Variants in FAM20B observed in about 807,000 individuals in gnomAD.
FAM20B encodes the protein FAM20B glycosaminoglycan xylosylkinase.
A neutral mutation model predicts 43.8 loss-of-function variants in FAM20B; 23 were observed. The observed-to-expected ratio is 0.53, with a 90% CI of 0.38 to 0.74. The LOEUF is 0.74. FAM20B is among the 30% of genes least tolerant of loss of function. The probability of loss-of-function intolerance (pLI) is 0.00; values close to 1 mark genes in which losing one functional copy is unlikely to be tolerated. For missense variants in FAM20B, 440 were observed against 510.5 expected (o/e 0.86, Z 1.33); for synonymous variants, 178 against 192.4 (o/e 0.93, Z 0.62).
intron 1 of FAM20B, among the ~76,000 whole-genome samples, chr1:179,037,356 C>T (rs1484693475): frequency 2.8e-5 from 2 of 70,188 alleles, no homozygotes; most frequent in East Asian, 6.1e-4. Context: ...CTTGTTTAGT[C>T]TCTTTTTTTT....
chr1:179,055,226 C>G (rs1651162084), intron 4 of FAM20B, among the ~76,000 whole-genome samples: 1 of 152,172 alleles, frequency 6.6e-6, no homozygotes, highest in African/African-American at 2.4e-5. Flanking sequence ...GGTAAGAGAT[C>G]TGAGCTAAAA....
At chr1:179,069,021 G>A (rs1028145521) in intron 7 of FAM20B, among the ~76,000 whole-genome samples, 9 of 152,226 alleles carry the variant, frequency 5.9e-5, no homozygotes, top group African/African-American at 2.2e-4. Flanking sequence ...GAAACCTTCT[G>A]TGCTGCAAGT....
rs1401744416 is a variant in FAM20B at position 179,076,507 on chromosome 1, T to C, written c.*4363T>C. The C allele has an allele frequency of 6.6e-6, 1 of 152,576 alleles. No individual in the cohort carries two copies. The highest frequency in any genetic ancestry group is 1.9e-4 in the East Asian group (1 of 5,204). The allele number at this position is 152,576 out of a possible 1,614,324, so 9.5% of individuals were successfully genotyped here. On this transcript the variant is annotated 3_prime_UTR_variant, in exon 8 of 8. Transcript: ENST00000263733. ...GACAGATATGGATCTAAATTTCTAA[T>C]GTGTTCTATGGGTTTCAATTCTGAA... is the stretch of plus-strand genomic sequence containing the variant.
intron 7 of FAM20B, among the ~76,000 whole-genome samples, chr1:179,069,273 G>C (rs1344288821): frequency 6.6e-6 from 1 of 152,164 alleles, no homozygotes; most frequent in Non-Finnish European, 1.5e-5. Flanking sequence ...CCTTCACCCT[G>C]CAGTGTCCCC....
At chr1:179,037,952 T>C (rs1650319363) in intron 1 of FAM20B, among the ~76,000 whole-genome samples, 2 of 152,224 alleles carry the variant, frequency 1.3e-5, no homozygotes, top group Admixed American at 6.5e-5. Context: ...CCGTTTTTCT[T>C]ATCTGAATTT....
At chr1:179,041,279 C>T (rs1039323013) in intron 1 of FAM20B, among the ~76,000 whole-genome samples, 9 of 152,222 alleles carry the variant, frequency 5.9e-5, no homozygotes, top group South Asian at 2.1e-4. Flanking sequence ...GCTGCAATCT[C>T]GGCCTTTTGG....
At chr1:179,054,979 T>C (rs1460504576) in intron 4 of FAM20B, among the ~76,000 whole-genome samples, 1 of 152,226 alleles carries the variant, frequency 6.6e-6, no homozygotes, top group Non-Finnish European at 1.5e-5. Context: ...TGTATATCAT[T>C]GGCTCAGTTG....
At chr1:179,030,035 C>T (rs1013528488) in intron 1 of FAM20B, among the ~76,000 whole-genome samples, 2 of 152,114 alleles carry the variant, frequency 1.3e-5, no homozygotes, top group Non-Finnish European at 2.9e-5. Flanking sequence ...TGGAAAGCTG[C>T]TCTTTTGCTG....
chr1:179,051,731 C>T lies in FAM20B; in HGVS notation c.464+1366C>T, dbSNP rs1651015322. On this transcript the variant is annotated intron_variant, in intron 3 of 7. Transcript: ENST00000263733. The stretch of plus-strand genomic sequence containing the variant: ...GCCTGATCTTGGCTTACTGCAACCT[C>T]GACGTCCTGGGTTCAAACAGTTATC... Among the ~76,000 whole-genome samples, 2 of 152,146 alleles carry T rather than the reference C, an allele frequency of 1.3e-5. 1 individual carries two copies. Among genetic ancestry groups the T allele is most frequent in the South Asian group, 4.1e-4 (2 of 4,822 alleles).
chr1:179,043,004 C>T (rs1163519063), intron 1 of FAM20B, among the ~76,000 whole-genome samples: 1 of 152,202 alleles, frequency 6.6e-6, no homozygotes. Flanking sequence ...TGCTTCAGGC[C>T]ATCCCTGGCT....
rs528880162 is a variant in FAM20B, at chr1:179,046,788, A to C, written c.377+2564A>C. On this transcript the variant is annotated intron_variant, in intron 2 of 7. Transcript: ENST00000263733. ...GAGGCCGAGGCGGGCGGATCACCTG[A>C]GGTCAGGAGTTCGAGACCAGCCTGG... 3.3e-5 allele frequency among the ~76,000 whole-genome samples: 5 copies of C among 152,136 alleles called. No homozygotes were observed. The South Asian group carries it at 1.0e-3, about 32-fold the overall frequency.
intron 2 of FAM20B, among the ~76,000 whole-genome samples, chr1:179,047,217 C>T (rs1650809868): frequency 6.6e-6 from 1 of 152,104 alleles, no homozygotes; most frequent in South Asian, 2.1e-4. Context: ...AATGCATAAC[C>T]TTAGTCACTT....
chr1:179,021,268 A>G (rs1397000228), upstream of FAM20B, among the ~76,000 whole-genome samples: 3 of 152,202 alleles, frequency 2.0e-5, no homozygotes, highest in Non-Finnish European at 4.4e-5. Context: ...TGTGACTGCA[A>G]TTACTTCATG....
chr1:179,047,767 T>C (rs1171683456), intron 2 of FAM20B, among the ~76,000 whole-genome samples: 1 of 152,218 alleles, frequency 6.6e-6, no homozygotes, highest in East Asian at 1.9e-4. Flanking sequence ...TCAGAGGCTA[T>C]TTATTTAGTC....
intron 4 of FAM20B, among the ~76,000 whole-genome samples, chr1:179,055,418 T>G (rs78891387): frequency 0.073 from 11,170 of 152,094 alleles, 530 homozygotes; most frequent in Middle Eastern, 0.14. Context: ...CTAGAGTGAG[T>G]GGATTTACAT....
chr1:179,053,626 G>T (rs1040342199), intron 3 of FAM20B, among the ~76,000 whole-genome samples: 41 of 152,120 alleles, frequency 2.7e-4, no homozygotes, highest in African/African-American at 9.9e-4. Flanking sequence ...CAAATCTGTT[G>T]ATCTTGCCTT....
intron 1 of FAM20B, among the ~76,000 whole-genome samples, chr1:179,038,002 CAA>C (rs1553203465): frequency 6.6e-6 from 1 of 151,718 alleles, no homozygotes; most frequent in Non-Finnish European, 1.5e-5. Flanking sequence ...ATGATAAAAA[CAA>C]AACAAAAAAC....
intron 4 of FAM20B, among the ~76,000 whole-genome samples, chr1:179,061,666 C>T (rs1165535371): frequency 6.6e-6 from 1 of 152,118 alleles, no homozygotes; most frequent in Non-Finnish European, 1.5e-5. Context: ...CCCTTGGCCT[C>T]CCAAAGTGCT....
chr1:179,025,606 G>A (rs1433037307), upstream of FAM20B, among the ~76,000 whole-genome samples: 1 of 152,124 alleles, frequency 6.6e-6, no homozygotes, highest in Non-Finnish European at 1.5e-5. Context: ...GGGGGATGGA[G>A]GACAAATACA....
Sources: allele counts gnomAD v4.1 joint callset (sites outside exome capture counted in the v4.1 genomes callset), GRCh38; gene constraint gnomAD v4.1.1; transcripts MANE v1.5; gene names NCBI Gene and HGNC (gene_info 2026-07-23, HGNC 2026-07-21).